SAMD8: variants seen among roughly 807,000 people sequenced by gnomAD.
The protein encoded by SAMD8 is sterile alpha motif domain containing 8, also known as sphingomyelin synthase-related protein 1.
Under a neutral mutation model 42.0 loss-of-function variants are expected in SAMD8, and 20 were observed. That is an observed-to-expected ratio of 0.48 (90% confidence interval 0.34 to 0.69). SAMD8 has a LOEUF of 0.69. Among genes scored for constraint, SAMD8 ranks in the 30% least tolerant of loss-of-function variants. SAMD8 has a pLI of 0.01. For missense variants in SAMD8, 328 were observed against 511.6 expected, an observed-to-expected ratio of 0.64 and a Z score of 3.46; for synonymous variants, 162 against 173.0, an observed-to-expected ratio of 0.94 and a Z score of 0.50.
chr10:75,134,762 G>T (rs796761431), intron 1 of SAMD8, among the ~76,000 whole-genome samples: 1 of 152,112 alleles, frequency 6.6e-6, no homozygotes, highest in African/African-American at 2.4e-5. Flanking sequence ...TCACCACAAA[G>T]AAATGATAGA....
chr10:75,138,996 T>G (rs1454291230), intron 1 of SAMD8, among the ~76,000 whole-genome samples: 1 of 151,266 alleles, frequency 6.6e-6, no homozygotes, highest in Non-Finnish European at 1.5e-5. Context: ...GTTTCGCTCT[T>G]GCTGCCCAGG....
chr10:75,173,333 G>A (rs1269418693), intron 4 of SAMD8, among the ~76,000 whole-genome samples: 1 of 152,194 alleles, frequency 6.6e-6, no homozygotes. Context: ...ATTCCTGGAA[G>A]TAAGGGGTTT....
intron 1 of SAMD8, among the ~76,000 whole-genome samples, chr10:75,131,858 C>G (rs1289787851): frequency 6.6e-6 from 1 of 152,146 alleles, no homozygotes; most frequent in Non-Finnish European, 1.5e-5. Context: ...AACATCTTGG[C>G]ATCTCAAGCC....
At chr10:75,101,208 C>T (rs1848136909) in intron 1 of SAMD8, among the ~76,000 whole-genome samples, 1 of 152,178 alleles carries the variant, frequency 6.6e-6, no homozygotes. Flanking sequence ...AGGTCTGGTA[C>T]TTGCAGCTAT....
chr10:75,169,005 T>G (rs1038845757), intron 4 of SAMD8, among the ~76,000 whole-genome samples: 1 of 150,700 alleles, frequency 6.6e-6, no homozygotes, highest in African/African-American at 2.4e-5. Flanking sequence ...ACTCCGTCTC[T>G]ACTAAAAATA....
intron 1 of SAMD8, among the ~76,000 whole-genome samples, chr10:75,102,818 G>A (rs551737327): frequency 4.6e-5 from 7 of 152,268 alleles, no homozygotes; most frequent in African/African-American, 1.4e-4. Context: ...TGGGCGTGGT[G>A]GCGCATGCCT....
intron 1 of SAMD8, among the ~76,000 whole-genome samples, chr10:75,133,365 T>C (rs899243632): frequency 6.6e-6 from 1 of 152,330 alleles, no homozygotes; most frequent in East Asian, 1.9e-4. Flanking sequence ...ACTGCACCAC[T>C]GCACTCCAGC....
At chr10:75,142,447 C>CT (rs1336437316) in intron 1 of SAMD8, among the ~76,000 whole-genome samples, 3 of 151,784 alleles carry the variant, frequency 2.0e-5, no homozygotes, top group Admixed American at 6.6e-5. Flanking sequence ...AGTAAATTAT[C>CT]TTTTTTTTGA....
At chr10:75,111,169 G>A (rs1044628502), upstream of SAMD8, among the ~76,000 whole-genome samples, 2 of 152,242 alleles carry the variant, frequency 1.3e-5, no homozygotes, top group African/African-American at 2.4e-5. Flanking sequence ...CACTGTCAAA[G>A]AGTAAATGGG....
At chr10:75,107,980 C>T (rs1564668842), upstream of SAMD8, 3 of 1,605,894 alleles carry the variant, frequency 1.9e-6, no homozygotes, top group Admixed American at 1.7e-5. Flanking sequence ...GGGCTTGGAC[C>T]CCAAGTCCTA....
intron 4 of SAMD8, among the ~76,000 whole-genome samples, chr10:75,170,674 T>C (rs1385205927): frequency 1.3e-5 from 2 of 151,616 alleles, no homozygotes; most frequent in East Asian, 3.8e-4. Context: ...CTGATTCTTT[T>C]TTACCACACC....
chr10:75,106,337 C>T (rs984933072), intron 1 of SAMD8, among the ~76,000 whole-genome samples: 6 of 151,964 alleles, frequency 3.9e-5, no homozygotes, highest in African/African-American at 1.5e-4. Flanking sequence ...GAGGAACTTG[C>T]AGTTCCTTGA....
At position 75,164,153 on chromosome 10, in the gene SAMD8, G is replaced by A. The variant is rs115951496; in HGVS notation, c.579-492G>A. On this transcript the variant is annotated intron_variant, in intron 2 of 5. Coordinates refer to ENST00000542569, the MANE Select transcript of SAMD8 (RefSeq NM_001174156.2). ...GATCACTTGAGCCCTGGGCTGTCTA[G>A]GCTGCAGTCAGCTGTGATGGCACCA... 2.9e-3 allele frequency among the ~76,000 whole-genome samples: 445 copies of A among 152,258 alleles called. 3 individuals are homozygous for A. The highest frequency in any genetic ancestry group is 0.01 in the African/African-American group (427 of 41,544).
At chr10:75,133,209 T>C (rs940009087) in intron 1 of SAMD8, among the ~76,000 whole-genome samples, 1 of 149,768 alleles carries the variant, frequency 6.7e-6, no homozygotes, top group Non-Finnish European at 1.5e-5. Flanking sequence ...AAGACCAACC[T>C]GGGCAGCATG....
intron 1 of SAMD8, among the ~76,000 whole-genome samples, chr10:75,116,982 T>G (rs1312946820): frequency 1.3e-5 from 2 of 152,028 alleles, no homozygotes; most frequent in Admixed American, 1.3e-4. Flanking sequence ...GCTAATTTTT[T>G]GTGTTTTTAG....
chr10:75,134,097 T>A (rs1300770220), intron 1 of SAMD8, among the ~76,000 whole-genome samples: 1 of 152,172 alleles, frequency 6.6e-6, no homozygotes, highest in Non-Finnish European at 1.5e-5. Flanking sequence ...GTAATGGTAT[T>A]GCTGGGACAA....
intron 1 of SAMD8, among the ~76,000 whole-genome samples, chr10:75,130,362 C>T (rs909433672): frequency 2.6e-5 from 4 of 151,918 alleles, no homozygotes; most frequent in Non-Finnish European, 4.4e-5. Flanking sequence ...AAAAATTAGC[C>T]GGGCTTGGTG....
At position 75,172,025 on chromosome 10, in the gene SAMD8, C is replaced by CA. The variant is rs750376012; in HGVS notation, c.792+3383dup. Among the ~76,000 whole-genome samples, 644 of 103,442 alleles carry CA rather than the reference C, an allele frequency of 6.2e-3. 2 individuals are homozygous for CA. The highest frequency in any genetic ancestry group is 0.022 in the South Asian group (70 of 3,236). 67.9% of individuals were successfully genotyped at this position (103,442 alleles called of 152,430 possible). A position where few individuals can be genotyped will look rare whatever the true frequency, so the allele number is the denominator to read the frequency against. ...TGGGTGACAGAGCGAGACTCCATCT[C>CA]AAAAAAAAAAAAAAAAGTGGTATGT... On this transcript the variant is annotated intron_variant, in intron 4 of 5. Coordinates refer to ENST00000542569, the MANE Select transcript of SAMD8 (RefSeq NM_001174156.2).
In SAMD8 at chr10:75,176,876, G is replaced by C; in HGVS notation, c.*184G>C. 2 of 553,616 alleles carry C rather than the reference G, an allele frequency of 3.6e-6. No homozygotes were observed. The highest frequency in any genetic ancestry group is 3.5e-5 in the Admixed American group (1 of 28,258). The allele number at this position is 553,616 out of a possible 1,614,324, so 34.3% of individuals were successfully genotyped here. On this transcript the variant is annotated 3_prime_UTR_variant, in exon 6 of 6. Coordinates refer to ENST00000542569, the MANE Select transcript of SAMD8 (RefSeq NM_001174156.2). This position sits in a 1 kb window ranked among gnomAD's most constrained non-coding sequence, Gnocchi z 4.3. ...AAGAACAATCAAGAGTCCTTATGTA[G>C]CTATTTGAACAGAAAGCTTAAGTAG... is the stretch of plus-strand genomic sequence containing the variant.
Sources: allele counts gnomAD v4.1 joint callset (sites outside exome capture counted in the v4.1 genomes callset), GRCh38; gene constraint gnomAD v4.1.1; non-coding constraint Gnocchi (gnomAD v3.1); transcripts MANE v1.5; gene names NCBI Gene and HGNC (gene_info 2026-07-23, HGNC 2026-07-21).